Variants in ZMYND8 observed in about 807,000 individuals in gnomAD.
ZMYND8 encodes MYND-type zinc finger-containing chromatin reader ZMYND8.
ZMYND8 carries 37 observed loss-of-function variants against 140.8 expected under a neutral mutation model. The observed-to-expected ratio is 0.26, with a 90% CI of 0.20 to 0.35. The LOEUF (loss-of-function observed/expected upper bound fraction) is 0.35. Among genes scored for constraint, ZMYND8 ranks in the 10% least tolerant of loss-of-function variants. ZMYND8 has a pLI of 1.00. For missense variants in ZMYND8, 1,068 were observed against 1,570.0 expected (o/e 0.68, Z 5.40); for synonymous variants, 592 against 597.1 (o/e 0.99, Z 0.12).
At chr20:47,355,249 A>C (rs1317049803) in intron 1 of ZMYND8, among the ~76,000 whole-genome samples, 1 of 152,254 alleles carries the variant, frequency 6.6e-6, no homozygotes, top group Admixed American at 6.5e-5. Context: ...TATAATCTTC[A>C]ATCCTAGCTG....
chr20:47,279,780 A>G (rs1451163669), intron 10 of ZMYND8, among the ~76,000 whole-genome samples: 1 of 151,096 alleles, frequency 6.6e-6, no homozygotes, highest in Non-Finnish European at 1.5e-5. Flanking sequence ...TTAACTCTGC[A>G]GGCATTTAAT....
Position 47,223,500 on chromosome 20 carries a change from T to C in ZMYND8, c.3256+817A>G, listed in dbSNP as rs1011746255. 2.3e-4 allele frequency among the ~76,000 whole-genome samples: 35 copies of C among 151,532 alleles called. 2 individuals are homozygous for C. The highest frequency in any genetic ancestry group is 2.3e-3 in the Admixed American group (35 of 15,232). ...AGCCTGGGGGACAAGAGCAAAACTC[T>C]GTCTCAAAATAATAATAATAATAAT... On this transcript the variant is annotated intron_variant, in intron 19 of 22. Coordinates refer to ENST00000471951, the MANE Select transcript of ZMYND8 (RefSeq NM_001281775.3).
intron 12 of ZMYND8, among the ~76,000 whole-genome samples, chr20:47,251,622 CTCTT>C (rs1376514575): frequency 6.6e-6 from 1 of 151,882 alleles, no homozygotes; most frequent in Non-Finnish European, 1.5e-5. Flanking sequence ...AACTAGAAAA[CTCTT>C]TATACCCGTC....
intron 1 of ZMYND8, chr20:47,351,627 G>T: frequency 1.0e-6 from 1 of 969,038 alleles, no homozygotes; most frequent in Non-Finnish European, 1.2e-6. Context: ...TAAAAACCAT[G>T]CTTCCCTAAA....
chr20:47,239,157 AAAAAC>A lies in ZMYND8; in HGVS notation c.2285-24_2285-20del. On this transcript the variant is annotated intron_variant, in intron 14 of 22. Coordinates refer to ENST00000471951, the MANE Select transcript of ZMYND8 (RefSeq NM_001281775.3). ...CCTACAACTAGCCAATGCATGAAGA[AAAAAC>A]AAACAAAAACCGGATTTCACTCAGG... is the stretch of plus-strand genomic sequence containing the variant. The A allele has an allele frequency of 1.3e-6, 2 of 1,485,138 alleles. No individual in the cohort carries two copies. Among genetic ancestry groups the A allele is most frequent in the Non-Finnish European group, 1.8e-6 (2 of 1,123,362 alleles). The allele number at this position is 1,485,138 out of a possible 1,614,324, so 92.0% of individuals were successfully genotyped here.
intron 2 of ZMYND8, chr20:47,319,230 C>A (rs1244969718): frequency 2.7e-6 from 1 of 367,010 alleles, no homozygotes; most frequent in African/African-American, 2.1e-5. Context: ...CGGGCTTTCG[C>A]CTATAATTTA....
chr20:47,231,329 G>A (rs1269494630), intron 16 of ZMYND8, among the ~76,000 whole-genome samples: 1 of 152,140 alleles, frequency 6.6e-6, no homozygotes, highest in Non-Finnish European at 1.5e-5. Flanking sequence ...CCCCAATTCA[G>A]GGAGAAGGCG....
intron 10 of ZMYND8, among the ~76,000 whole-genome samples, chr20:47,279,572 G>A (rs909892672): frequency 6.8e-5 from 7 of 103,650 alleles, no homozygotes; most frequent in Admixed American, 3.9e-4. Context: ...GAGTCTCTGC[G>A]GGGGACAATA....
intron 11 of ZMYND8, among the ~76,000 whole-genome samples, chr20:47,271,839 G>A (rs1292588489): frequency 6.6e-6 from 1 of 152,008 alleles, no homozygotes; most frequent in East Asian, 1.9e-4. Flanking sequence ...GTGCCACCAC[G>A]CCTGGCTAAG....
chr20:47,351,667 T>TG (rs971614426), intron 1 of ZMYND8: 52 of 983,624 alleles, frequency 5.3e-5, no homozygotes, highest in Non-Finnish European at 5.7e-5. Context: ...GAAATTGGGG[T>TG]GGGGGGGAAT....
intron 21 of ZMYND8, among the ~76,000 whole-genome samples, chr20:47,215,191 G>A (rs908142198): frequency 2.6e-5 from 4 of 152,150 alleles, no homozygotes; most frequent in South Asian, 2.1e-4. Context: ...TGGGCAACAC[G>A]GTGAAACCCC....
intron 8 of ZMYND8, among the ~76,000 whole-genome samples, chr20:47,286,318 A>G (rs144751579): frequency 3.9e-5 from 6 of 152,098 alleles, no homozygotes; most frequent in Middle Eastern, 3.4e-3. Context: ...AGCTAGGATT[A>G]CAGGCATGTT....
intron 21 of ZMYND8, among the ~76,000 whole-genome samples, chr20:47,212,938 A>G (rs548107822): frequency 1.3e-5 from 2 of 152,346 alleles, no homozygotes; most frequent in South Asian, 4.1e-4. Context: ...ATCACTGGAC[A>G]CAGCACAGCA....
chr20:47,277,490 T>G (rs532788783), intron 10 of ZMYND8, among the ~76,000 whole-genome samples: 1 of 152,224 alleles, frequency 6.6e-6, no homozygotes, highest in Non-Finnish European at 1.5e-5. Flanking sequence ...CAACCGCTGC[T>G]GCGGGTGACC....
In ZMYND8 at chr20:47,220,374, C is replaced by T. The variant is rs758632364; in HGVS notation, c.3418-50G>A. ...GGACTCAAGGCACTGAGGCTACTGTCGCCCCCACAGGGAAATCCAGGGAGT... is the reference window on the plus strand; with the variant it reads ...GGACTCAAGGCACTGAGGCTACTGTTGCCCCCACAGGGAAATCCAGGGAGT... On this transcript the variant is annotated intron_variant, in intron 20 of 22. Coordinates refer to ENST00000471951, the MANE Select transcript of ZMYND8 (RefSeq NM_001281775.3). 23 of 1,455,868 alleles carry T rather than the reference C, an allele frequency of 1.6e-5. No homozygotes were observed. The South Asian group carries it at 1.7e-4, about 11-fold the overall frequency. The allele number at this position is 1,455,868 out of a possible 1,614,324, so 90.2% of individuals were successfully genotyped here.
chr20:47,289,200 GAA>G (rs1281473198), intron 7 of ZMYND8, among the ~76,000 whole-genome samples: 1 of 152,124 alleles, frequency 6.6e-6, no homozygotes, highest in Non-Finnish European at 1.5e-5. Context: ...ATAAGCACAG[GAA>G]AAGATACGCA....
At chr20:47,276,869 A>G in intron 10 of ZMYND8, 74 bp from the exon 11 acceptor site, 2 of 1,425,692 alleles carry the variant, frequency 1.4e-6, no homozygotes, top group Non-Finnish European at 1.9e-6. Flanking sequence ...CTTGATGTGA[A>G]CCAAATTAGC....
At chr20:47,226,643 G>A (rs952195467) in intron 18 of ZMYND8, among the ~76,000 whole-genome samples, 48 of 101,384 alleles carry the variant, frequency 4.7e-4, no homozygotes, top group African/African-American at 2.2e-3. Flanking sequence ...ATATGTCCAC[G>A]CATGCGGAGT....
At chr20:47,269,835 A>ATGG in intron 11 of ZMYND8, among the ~76,000 whole-genome samples, 1 of 152,180 alleles carries the variant, frequency 6.6e-6, no homozygotes, top group Non-Finnish European at 1.5e-5. Context: ...CACAACTCCT[A>ATGG]TGGTGCCATG....
Sources: allele counts gnomAD v4.1 joint callset (sites outside exome capture counted in the v4.1 genomes callset), GRCh38; gene constraint gnomAD v4.1.1; transcripts MANE v1.5; gene names NCBI Gene and HGNC (gene_info 2026-07-23, HGNC 2026-07-21).